NKAIN2: variants seen among roughly 807,000 people sequenced by gnomAD.
The protein encoded by NKAIN2 is sodium/potassium transporting ATPase interacting 2, also known as sodium/potassium-transporting ATPase subunit beta-1-interacting protein 2.
In NKAIN2, 14 loss-of-function variants were observed where a neutral mutation model predicts 32.6. That is an observed-to-expected ratio of 0.43 (90% CI 0.28 to 0.67). The LOEUF is 0.67. NKAIN2 is among the 30% of genes least tolerant of loss of function. The probability of loss-of-function intolerance (pLI) is 0.17; values close to 1 mark genes in which losing one functional copy is unlikely to be tolerated. For missense variants in NKAIN2, 198 were observed against 258.3 expected, an observed-to-expected ratio of 0.77 and a Z score of 1.60; for synonymous variants, 80 against 87.2, an observed-to-expected ratio of 0.92 and a Z score of 0.46.
At chr6:124,785,030 C>T (rs1169419441) in intron 4 of NKAIN2, among the ~76,000 whole-genome samples, 4 of 152,184 alleles carry the variant, frequency 2.6e-5, no homozygotes, top group Middle Eastern at 3.4e-3. Flanking sequence ...TTTTTCAGTG[C>T]TGACCTACTT....
At chr6:123,883,386 T>C (rs1490625958) in intron 1 of NKAIN2, among the ~76,000 whole-genome samples, 4 of 152,100 alleles carry the variant, frequency 2.6e-5, no homozygotes, top group Admixed American at 1.3e-4. Flanking sequence ...ACCTCGTGAT[T>C]CACCCGCCTC....
intron 1 of NKAIN2, among the ~76,000 whole-genome samples, chr6:123,995,587 T>G (rs1167172626): frequency 1.3e-5 from 2 of 152,178 alleles, no homozygotes; most frequent in Non-Finnish European, 2.9e-5. Flanking sequence ...TTAAATGTGG[T>G]CAGAAATTAA....
rs111467181 is a variant in NKAIN2 at position 124,653,901 on chromosome 6, G to A, written c.274-4285G>A. Among the ~76,000 whole-genome samples the A allele has an allele frequency of 6.3e-3, 958 of 152,180 alleles. 13 individuals carry two copies. Among genetic ancestry groups the A allele is most frequent in the African/African-American group, 0.022 (919 of 41,538 alleles). ...ATTTAAAAATGAGCCAAAGATCTTA[G>A]CAGACATCTCACTGTAGAAGATAAA... On this transcript the variant is annotated intron_variant, in intron 3 of 6. Coordinates refer to ENST00000368417, the MANE Select transcript of NKAIN2 (RefSeq NM_001040214.3).
intron 4 of NKAIN2, among the ~76,000 whole-genome samples, chr6:124,687,316 T>TAG (rs1491510722): frequency 5.0e-5 from 7 of 141,342 alleles, no homozygotes; most frequent in Non-Finnish European, 9.3e-5. Flanking sequence ...AGAATATATA[T>TAG]GTAATATATA....
intron 1 of NKAIN2, among the ~76,000 whole-genome samples, chr6:124,120,521 A>G (rs982809601): frequency 6.6e-6 from 1 of 152,174 alleles, no homozygotes; most frequent in Non-Finnish European, 1.5e-5. Flanking sequence ...TCCCTCTTCC[A>G]TAAATGATAA....
Position 124,824,833 on chromosome 6 carries a change from T to C in NKAIN2, c.*1604T>C, listed in dbSNP as rs912085243. The stretch of plus-strand genomic sequence containing the variant: ...AGACCTTAGCCCATTCGGATCTACA[T>C]ACACCAGTTCCATTACTGTGTTTGC... On this transcript the variant is annotated 3_prime_UTR_variant, in exon 7 of 7. Coordinates refer to ENST00000368417, the MANE Select transcript of NKAIN2 (RefSeq NM_001040214.3). 4 of 152,314 alleles carry C rather than the reference T, an allele frequency of 2.6e-5. No individual in the cohort carries two copies. Among genetic ancestry groups the C allele is most frequent in the Non-Finnish European group, 5.9e-5 (4 of 68,020 alleles). 9.4% of individuals were successfully genotyped at this position (152,314 alleles called of 1,614,324 possible). A position where few individuals can be genotyped will look rare whatever the true frequency, so the allele number is the denominator to read the frequency against.
intron 1 of NKAIN2, among the ~76,000 whole-genome samples, chr6:124,028,121 C>A (rs969059714): frequency 6.6e-6 from 1 of 151,954 alleles, no homozygotes; most frequent in African/African-American, 2.4e-5. Flanking sequence ...TTCATTTTTT[C>A]TTTGTTGGTC....
intron 1 of NKAIN2, among the ~76,000 whole-genome samples, chr6:124,170,779 T>G (rs1461735602): frequency 6.6e-6 from 1 of 152,188 alleles, no homozygotes; most frequent in Non-Finnish European, 1.5e-5. Context: ...CTAATAAACA[T>G]TCAGGTGATA....
chr6:123,927,184 T>C (rs891923341), intron 1 of NKAIN2, among the ~76,000 whole-genome samples: 3 of 152,206 alleles, frequency 2.0e-5, no homozygotes, highest in African/African-American at 7.2e-5. Flanking sequence ...AGTAACTAAA[T>C]GGGATGGAGC....
intron 2 of NKAIN2, among the ~76,000 whole-genome samples, chr6:124,349,454 G>A (rs1439496894): frequency 1.3e-5 from 2 of 152,106 alleles, no homozygotes; most frequent in Admixed American, 1.3e-4. Context: ...TACTAGTTTT[G>A]CATCCTAGTA....
intron 5 of NKAIN2, among the ~76,000 whole-genome samples, chr6:124,810,691 A>C (rs1350959519): frequency 2.0e-5 from 3 of 152,048 alleles, no homozygotes; most frequent in African/African-American, 7.2e-5. Flanking sequence ...TTCTGATACA[A>C]GTAAGAAGCA....
At chr6:124,447,019 A>G (rs567662307) in intron 3 of NKAIN2, among the ~76,000 whole-genome samples, 1 of 152,130 alleles carries the variant, frequency 6.6e-6, no homozygotes, top group East Asian at 1.9e-4. Context: ...AGTAGTGCCA[A>G]GGTTGAGATA....
At chr6:124,508,335 C>CTTTTTTTTTTTTT (rs71702410) in intron 3 of NKAIN2, among the ~76,000 whole-genome samples, 1 of 148,906 alleles carries the variant, frequency 6.7e-6, no homozygotes, top group Non-Finnish European at 1.5e-5. Context: ...TTGTATTAGT[C>CTTTTTTTTTTTTT]TTTTTTTTTT....
intron 3 of NKAIN2, among the ~76,000 whole-genome samples, chr6:124,459,149 C>T (rs1337543447): frequency 1.3e-5 from 2 of 151,788 alleles, no homozygotes; most frequent in Non-Finnish European, 2.9e-5. Context: ...TTCTGGCCCA[C>T]TGAGGCAAAG....
At chr6:124,696,450 T>G (rs1032933508) in intron 4 of NKAIN2, among the ~76,000 whole-genome samples, 6 of 152,102 alleles carry the variant, frequency 3.9e-5, no homozygotes, top group Admixed American at 3.3e-4. Flanking sequence ...GTTTTCTCCC[T>G]GCCGCAAGCC....
intron 3 of NKAIN2, among the ~76,000 whole-genome samples, chr6:124,533,897 A>G (rs1779620402): frequency 6.6e-6 from 1 of 152,126 alleles, no homozygotes; most frequent in African/African-American, 2.4e-5. Flanking sequence ...CCTCACACGT[A>G]TGAAGGACTG....
intron 1 of NKAIN2, among the ~76,000 whole-genome samples, chr6:123,859,213 C>G (rs533090372): frequency 3.7e-4 from 56 of 152,174 alleles, no homozygotes; most frequent in Non-Finnish European, 1.5e-4. Flanking sequence ...TTAGAATTCA[C>G]TGATGCTGTG....
At chr6:123,924,875 C>A (rs1011903229) in intron 1 of NKAIN2, among the ~76,000 whole-genome samples, 1 of 151,930 alleles carries the variant, frequency 6.6e-6, no homozygotes, top group African/African-American at 2.4e-5. Flanking sequence ...TGTGTGAGAT[C>A]CTTATAAGTA....
rs542050446 is a variant in NKAIN2 at position 123,905,323 on chromosome 6, A to G, written c.54+101069A>G. Reference sequence around the variant, plus strand: ...GGTACTGTGCAATTAGTGGGTTTGCATCACAGCTGAGGAATCCTAAGTTTA... The same window carrying G: ...GGTACTGTGCAATTAGTGGGTTTGCGTCACAGCTGAGGAATCCTAAGTTTA... On this transcript the variant is annotated intron_variant, in intron 1 of 6. Transcript: ENST00000368417. Among the ~76,000 whole-genome samples, 230 of 152,234 alleles carry G rather than the reference A, an allele frequency of 1.5e-3. 1 individual carries two copies. The highest frequency in any genetic ancestry group is 2.4e-3 in the Non-Finnish European group (166 of 68,026).
Sources: gnomAD v4.1 joint callset for allele counts (sites outside exome capture counted in the v4.1 genomes callset) on GRCh38, gnomAD v4.1.1 for gene constraint, MANE v1.5 for transcripts, NCBI Gene and HGNC (gene_info 2026-07-23, HGNC 2026-07-21) for gene names.